Variants in ZNF148 observed in about 807,000 individuals in gnomAD.
ZNF148 encodes Beta-Enolase Repressor Factor-1.
A neutral mutation model predicts 67.7 loss-of-function variants in ZNF148; 7 were observed. That is an observed-to-expected ratio of 0.10 (90% CI 0.06 to 0.19). The LOEUF is 0.19. Among genes scored for constraint, ZNF148 ranks in the 10% least tolerant of loss-of-function variants. ZNF148 has a pLI of 1.00. For missense variants in ZNF148, 583 were observed against 947.1 expected (o/e 0.62, Z 5.05); for synonymous variants, 333 against 330.7 (o/e 1.01, Z -0.08).
chr3:125,350,318 G>GC (rs147872322), intron 1 of ZNF148, among the ~76,000 whole-genome samples: 4,193 of 152,116 alleles, frequency 0.028, 193 homozygotes, highest in African/African-American at 0.097. Flanking sequence ...GTGTCACCAG[G>GC]CCCATCTAAT....
At chr3:125,262,727 A>G (rs1035406771) in intron 7 of ZNF148, among the ~76,000 whole-genome samples, 6 of 152,252 alleles carry the variant, frequency 3.9e-5, no homozygotes, top group Admixed American at 1.3e-4. Context: ...CACTTCTAAG[A>G]TATTAAACTG....
chr3:125,350,238 C>T (rs144974940), intron 1 of ZNF148, among the ~76,000 whole-genome samples: 112 of 152,288 alleles, frequency 7.4e-4, no homozygotes, highest in African/African-American at 2.6e-3. Flanking sequence ...CGGCTTACTG[C>T]AATCTCCCGT....
rs369228130 is a variant in ZNF148 at position 125,240,324 on chromosome 3, C to G, written c.668-5995G>C. On this transcript the variant is annotated intron_variant, in intron 7 of 8. Coordinates refer to ENST00000360647, the MANE Select transcript of ZNF148 (RefSeq NM_021964.3). ...GCCTGGCTAACATGGCGAAACACCCCCAAGCCACCGTCTCTGAATGAATAA... is the reference window on the plus strand; with the variant it reads ...GCCTGGCTAACATGGCGAAACACCCGCAAGCCACCGTCTCTGAATGAATAA... Among the ~76,000 whole-genome samples, 21 of 152,128 alleles carry G rather than the reference C, an allele frequency of 1.4e-4. No homozygotes were observed. In the East Asian group the frequency reaches 4.1e-3, roughly 29 times the overall value.
In ZNF148 at chr3:125,226,504, T is replaced by C. The variant is rs1935642272; in HGVS notation, c.*5837A>G. On this transcript the variant is annotated 3_prime_UTR_variant, in exon 9 of 9. Transcript: ENST00000360647. ...TTAGTATCACAATACATAAAATGGT[T>C]TTATAAACTCCAAATGGCAAAGATA... 1 of 152,640 alleles carries C rather than the reference T, an allele frequency of 6.6e-6. No individual in the cohort carries two copies. The highest frequency in any genetic ancestry group is 1.5e-5 in the Non-Finnish European group (1 of 68,020). 9.5% of individuals were successfully genotyped at this position (152,640 alleles called of 1,614,324 possible).
intron 1 of ZNF148, among the ~76,000 whole-genome samples, chr3:125,359,570 G>A (rs1007368252): frequency 1.3e-5 from 2 of 152,096 alleles, no homozygotes; most frequent in South Asian, 2.1e-4. Flanking sequence ...CTTACCATGT[G>A]CCCCATTCTT....
intron 5 of ZNF148, among the ~76,000 whole-genome samples, chr3:125,287,762 C>T (rs1938773813): frequency 6.6e-6 from 1 of 152,134 alleles, no homozygotes; most frequent in Non-Finnish European, 1.5e-5. Flanking sequence ...TAACAGGGAT[C>T]CTATATCTTT....
At chr3:125,285,538 T>C (rs570833658) in intron 5 of ZNF148, among the ~76,000 whole-genome samples, 1 of 152,066 alleles carries the variant, frequency 6.6e-6, no homozygotes, top group Non-Finnish European at 1.5e-5. Flanking sequence ...TGAAAAATAA[T>C]TGTTTGTTCT....
chr3:125,305,533 C>T (rs979250605), intron 4 of ZNF148, among the ~76,000 whole-genome samples: 5 of 151,980 alleles, frequency 3.3e-5, no homozygotes, highest in South Asian at 2.1e-4. Flanking sequence ...AATTAGTGGC[C>T]GGGCGTTGTG....
chr3:125,277,827 T>A lies in ZNF148; in HGVS notation c.584-18A>T. On this transcript the variant is annotated intron_variant, in intron 6 of 8. Coordinates refer to ENST00000360647, the MANE Select transcript of ZNF148 (RefSeq NM_021964.3). ...TTTTTCACCTTAAAATAATTTCACATCCACAAATTAGTTACTGAATAAAAC... is the reference window on the plus strand; with the variant it reads ...TTTTTCACCTTAAAATAATTTCACAACCACAAATTAGTTACTGAATAAAAC... The A allele has an allele frequency of 1.3e-6, 2 of 1,595,942 alleles. No homozygotes were observed. Among genetic ancestry groups the A allele is most frequent in the Non-Finnish European group, 1.7e-6 (2 of 1,169,906 alleles).
Sources: allele counts gnomAD v4.1 joint callset (sites outside exome capture counted in the v4.1 genomes callset), GRCh38; gene constraint gnomAD v4.1.1; transcripts MANE v1.5; gene names NCBI Gene and HGNC (gene_info 2026-07-23, HGNC 2026-07-21).